Variants in MAGI1 observed in about 807,000 individuals in gnomAD.
MAGI1 encodes membrane-associated guanylate kinase, WW and PDZ domain-containing protein 1.
MAGI1 carries 58 observed loss-of-function variants against 139.9 expected under a neutral mutation model. The observed-to-expected ratio is 0.41, with a 90% confidence interval of 0.34 to 0.52. The LOEUF (loss-of-function observed/expected upper bound fraction) is 0.52, where lower values mean the gene tolerates loss of function less well. Ranked by LOEUF, MAGI1 falls within the 20% of genes least tolerant of loss-of-function variation. The pLI, the probability that MAGI1 is intolerant of heterozygous loss-of-function variation, is 0.12. For missense variants in MAGI1, 1,874 were observed against 1,901.6 expected (o/e 0.99, Z 0.27); for synonymous variants, 812 against 737.9 (o/e 1.10, Z -1.63).
intron 12 of MAGI1, among the ~76,000 whole-genome samples, chr3:65,414,632 A>G (rs367637483): frequency 9.2e-5 from 14 of 152,298 alleles, no homozygotes; most frequent in African/African-American, 2.9e-4. Flanking sequence ...AAGCCAGCAG[A>G]TTTTGAAAAC....
intron 1 of MAGI1, among the ~76,000 whole-genome samples, chr3:65,783,158 T>C (rs1042638647): frequency 4.0e-5 from 6 of 148,738 alleles, no homozygotes; most frequent in African/African-American, 1.2e-4. Context: ...GCAGAATGTA[T>C]TAAAAAAAAA....
At chr3:65,394,338 G>A (rs183802749) in intron 13 of MAGI1, among the ~76,000 whole-genome samples, 8 of 152,016 alleles carry the variant, frequency 5.3e-5, no homozygotes, top group South Asian at 4.2e-4. Flanking sequence ...ACTGCCTCTC[G>A]GTCAAACTGC....
At chr3:65,605,233 C>A (rs917282894) in intron 2 of MAGI1, among the ~76,000 whole-genome samples, 1 of 152,182 alleles carries the variant, frequency 6.6e-6, no homozygotes, top group Admixed American at 6.5e-5. Context: ...TTACAATGAA[C>A]CTGTGCTGGT....
intron 1 of MAGI1, among the ~76,000 whole-genome samples, chr3:65,630,380 T>C (rs2084224789): frequency 6.6e-6 from 1 of 152,056 alleles, no homozygotes. Context: ...GCAGAGTGAA[T>C]GGCATATGCA....
chr3:65,825,718 A>C (rs2108272677), intron 1 of MAGI1, among the ~76,000 whole-genome samples: 1 of 152,338 alleles, frequency 6.6e-6, no homozygotes, highest in East Asian at 1.9e-4. Flanking sequence ...AGCCAGGCGC[A>C]GTGGCTCATG....
chr3:65,796,815 C>A (rs376602572), intron 1 of MAGI1, among the ~76,000 whole-genome samples: 1 of 152,176 alleles, frequency 6.6e-6, no homozygotes, highest in African/African-American at 2.4e-5. Context: ...CATGGGAAAG[C>A]GGCCTTGTAC....
At position 65,552,945 on chromosome 3, in the gene MAGI1, G is replaced by T. The variant is rs72902215; in HGVS notation, c.431-59314C>A. 9.0e-3 allele frequency among the ~76,000 whole-genome samples: 1,370 copies of T among 152,228 alleles called. 19 individuals are homozygous for T. The highest frequency in any genetic ancestry group is 0.031 in the African/African-American group (1,268 of 41,534). On this transcript the variant is annotated intron_variant, in intron 2 of 22. Coordinates refer to ENST00000402939, the MANE Select transcript of MAGI1 (RefSeq NM_001033057.2). ...GTAAACGTAAAATTTCTCCAGGAGAGGGAATTATATCCTCCTGCAACTTGA... is the reference window on the plus strand; with the variant it reads ...GTAAACGTAAAATTTCTCCAGGAGATGGAATTATATCCTCCTGCAACTTGA...
At chr3:65,443,965 C>T (rs1359063986) in intron 7 of MAGI1, among the ~76,000 whole-genome samples, 2 of 152,094 alleles carry the variant, frequency 1.3e-5, no homozygotes, top group African/African-American at 2.4e-5. Flanking sequence ...CAGTTCCAGA[C>T]TGAGGTAGAG....
chr3:65,745,617 T>C (rs988958924), intron 1 of MAGI1, among the ~76,000 whole-genome samples: 5 of 152,242 alleles, frequency 3.3e-5, no homozygotes. Context: ...TAACACACAT[T>C]AAAATTCAAT....
intron 1 of MAGI1, among the ~76,000 whole-genome samples, chr3:66,025,733 T>C (rs1033046599): frequency 1.3e-5 from 2 of 152,260 alleles, no homozygotes; most frequent in East Asian, 1.9e-4. Flanking sequence ...TGTGTACGTC[T>C]GGATAAAAAT....
At chr3:65,798,303 C>G (rs2040279779) in intron 1 of MAGI1, among the ~76,000 whole-genome samples, 2 of 151,504 alleles carry the variant, frequency 1.3e-5, no homozygotes, top group Admixed American at 1.3e-4. Context: ...GACTCCATCT[C>G]AAAACAAACA....
chr3:65,437,378 G>T, intron 9 of MAGI1, 131 bp from the exon 10 acceptor site: 4 of 449,970 alleles, frequency 8.9e-6, no homozygotes, highest in Non-Finnish European at 1.2e-5. Flanking sequence ...AAAAGAAGTT[G>T]TTATCTGACC....
chr3:65,980,690 C>T (rs2065528384), intron 1 of MAGI1, among the ~76,000 whole-genome samples: 1 of 152,042 alleles, frequency 6.6e-6, no homozygotes, highest in Non-Finnish European at 1.5e-5. Context: ...TACACAGGTC[C>T]CCTAATGTTT....
chr3:65,441,656 T>G (rs548126017), intron 8 of MAGI1, among the ~76,000 whole-genome samples: 2 of 152,280 alleles, frequency 1.3e-5, no homozygotes, highest in East Asian at 3.9e-4. Context: ...AACCCCACAG[T>G]ACATCTGTGA....
intron 1 of MAGI1, among the ~76,000 whole-genome samples, chr3:66,025,212 T>C (rs1050838611): frequency 3.9e-5 from 6 of 152,238 alleles, no homozygotes; most frequent in African/African-American, 1.2e-4. Flanking sequence ...GTCACTGAAA[T>C]AGTCAACTTG....
At chr3:65,468,380 T>C (rs1380688205) in intron 5 of MAGI1, among the ~76,000 whole-genome samples, 1 of 135,412 alleles carries the variant, frequency 7.4e-6, no homozygotes, top group Non-Finnish European at 1.6e-5. Flanking sequence ...TTTTTTTTTT[T>C]TTTTTTTTTT....
At chr3:65,946,932 A>G (rs1250852334) in intron 1 of MAGI1, among the ~76,000 whole-genome samples, 5 of 152,204 alleles carry the variant, frequency 3.3e-5, no homozygotes, top group Non-Finnish European at 5.9e-5. Context: ...TAAAGTGACA[A>G]AATCATGAAA....
In MAGI1 at chr3:65,439,928, T is replaced by C. The variant is rs62642828; in HGVS notation, c.1221A>G (p.Gln407=). The C allele has an allele frequency of 6.2e-5, 100 of 1,604,522 alleles. No homozygotes were observed. In the East Asian group the frequency reaches 7.2e-4, roughly 12 times the overall value. The stretch of plus-strand genomic sequence containing the variant: ...GCTGCTGCTGCTGTTGCTGCTGCTG[T>C]TGCTGCTGCTGCTGCTGCTCAAGCT... ...KKQLEQQQQQ[Q]QQQQQQQQQQ... is the part of the protein sequence containing the mutation. Residue 407 remains glutamine, a synonymous_variant, in exon 9 of 23, where the codon CAA becomes CAG. Transcript: ENST00000402939.
At chr3:66,031,801 G>A (rs1242461216) in intron 1 of MAGI1, among the ~76,000 whole-genome samples, 1 of 150,760 alleles carries the variant, frequency 6.6e-6, no homozygotes, top group East Asian at 1.9e-4. Flanking sequence ...AAAGTACACA[G>A]GGACAATGCT....
Sources: gnomAD v4.1 joint callset for allele counts (sites outside exome capture counted in the v4.1 genomes callset) on GRCh38, gnomAD v4.1.1 for gene constraint, MANE v1.5 for transcripts, NCBI Gene and HGNC (gene_info 2026-07-23, HGNC 2026-07-21) for gene names.